Variants in TJAP1 observed in about 807,000 individuals in gnomAD.
TJAP1 encodes the protein tight junction-associated protein 1.
Under a neutral mutation model 42.0 loss-of-function variants are expected in TJAP1, and 27 were observed. That is an observed-to-expected ratio of 0.64 (90% CI 0.47 to 0.89). The LOEUF (loss-of-function observed/expected upper bound fraction) is 0.89. Among genes scored for constraint, TJAP1 ranks in the 40% least tolerant of loss-of-function variants. TJAP1 has a pLI of 0.00. For missense variants in TJAP1, 712 were observed against 726.9 expected, an observed-to-expected ratio of 0.98 and a Z score of 0.24; for synonymous variants, 257 against 288.4, an observed-to-expected ratio of 0.89 and a Z score of 1.10.
At chr6:43,498,247 C>G (rs1437656640) in intron 3 of TJAP1, among the ~76,000 whole-genome samples, 2 of 152,204 alleles carry the variant, frequency 1.3e-5, no homozygotes, top group Admixed American at 6.5e-5. Context: ...TGTTTTACAT[C>G]ATCTTCCCAA....
chr6:43,497,900 T>C (rs556801298), exon 3 of TJAP1: 22 of 152,400 alleles, frequency 1.4e-4, no homozygotes, highest in Admixed American at 5.2e-4. Context: ...CTAAAGGAAG[T>C]GGAGGGGCCG....
At position 43,506,287 on chromosome 6, in the gene TJAP1, T is replaced by TC. The variant is rs553632280; in HGVS notation, c.*440dup. On this transcript the variant is annotated 3_prime_UTR_variant, in exon 11 of 11. Coordinates refer to ENST00000372449, the Ensembl canonical transcript of TJAP1. ...CATTTCCGTTTCCTACCTGTTTGCT[T>TC]CCCCCCCCAGTCCTCCGCATGAGCT... 4.4e-3 allele frequency: 672 copies of TC among 152,492 alleles called. 2 individuals carry two copies. The highest frequency in any genetic ancestry group is 8.6e-3 in the South Asian group (41 of 4,776). The allele number at this position is 152,492 out of a possible 1,614,324, so 9.4% of individuals were successfully genotyped here.
chr6:43,494,648 CTTTTTTT>C (rs775378416), intron 2 of TJAP1, among the ~76,000 whole-genome samples: 4 of 114,400 alleles, frequency 3.5e-5, no homozygotes, highest in Admixed American at 8.8e-5. Context: ...TGTTGATTTC[CTTTTTTT>C]TTTTTTTTTT....
chr6:43,501,736 ACACACACACACACACACACACACT>A lies in TJAP1; in HGVS notation c.290+51_290+74del, dbSNP rs1157238771. On this transcript the variant is annotated intron_variant, in intron 6 of 10. Coordinates refer to ENST00000372449, the Ensembl canonical transcript of TJAP1. The stretch of plus-strand genomic sequence containing the variant: ...CACACACACACACACACACACACAC[ACACACACACACACACACACACACT>A]CTCTCTGTCTCTCTCTCTCTCTGTG... The A allele has an allele frequency of 1.3e-5, 9 of 691,756 alleles. No individual in the cohort carries two copies. The African/African-American group carries it at 1.7e-4, about 13-fold the overall frequency. 42.9% of individuals were successfully genotyped at this position (691,756 alleles called of 1,614,324 possible). A position where few individuals can be genotyped will look rare whatever the true frequency, so the allele number is the denominator to read the frequency against.
rs1381144645 is a variant in TJAP1 at position 43,491,528 on chromosome 6, G to C, written c.-121-6353G>C. On this transcript the variant is annotated intron_variant, in intron 2 of 10. Transcript: ENST00000372449. This position sits in a 1 kb window ranked among gnomAD's most constrained non-coding sequence, Gnocchi z 4.6. The stretch of plus-strand genomic sequence containing the variant: ...TGGTCTCGAACTCCCGACCTCAGGT[G>C]ATCTGCCCGCCTTGGCCTCCCAAAG... 6.6e-6 allele frequency among the ~76,000 whole-genome samples: 1 copy of C among 152,178 alleles called. No individual in the cohort carries two copies. Among genetic ancestry groups the C allele is most frequent in the Non-Finnish European group, 1.5e-5 (1 of 68,042 alleles).
chr6:43,491,102 T>G lies in TJAP1; in HGVS notation c.-121-6779T>G, dbSNP rs1415240171. Among the ~76,000 whole-genome samples, 2 of 152,064 alleles carry G rather than the reference T, an allele frequency of 1.3e-5. No individual in the cohort carries two copies. The highest frequency in any genetic ancestry group is 4.8e-5 in the African/African-American group (2 of 41,380). On this transcript the variant is annotated intron_variant, in intron 2 of 10. Transcript: ENST00000372449. The surrounding 1 kb of genome is among the most constrained non-coding windows in gnomAD (Gnocchi z 4.6). The stretch of plus-strand genomic sequence containing the variant: ...CTGCCTAAGTGGATTCTGTTCCCCT[T>G]GGGCTGGGTGAGAGAAGGCAGCAGC...
At chr6:43,484,082 C>CAAA (rs202198214) in intron 2 of TJAP1, among the ~76,000 whole-genome samples, 2 of 143,414 alleles carry the variant, frequency 1.4e-5, no homozygotes, top group African/African-American at 5.1e-5. Context: ...AAATTAAAAA[C>CAAA]AAAAAAAAAA....
intron 2 of TJAP1, among the ~76,000 whole-genome samples, chr6:43,490,935 C>T (rs905476571): frequency 2.6e-5 from 4 of 152,182 alleles, no homozygotes; most frequent in Non-Finnish European, 4.4e-5. Context: ...GAAGGAGAGG[C>T]GGGTCTGGAG....
chr6:43,503,005 C>T, intron 8 of TJAP1: 1 of 455,172 alleles, frequency 2.2e-6, no homozygotes, highest in East Asian at 4.4e-5. Context: ...CCACCGCGCC[C>T]TGCTTCCTCT....
intron 2 of TJAP1, among the ~76,000 whole-genome samples, chr6:43,479,160 C>T (rs1784801318): frequency 6.6e-6 from 1 of 152,142 alleles, no homozygotes. Context: ...GAGTGTTTTG[C>T]CCTAGCCAGA....
At chr6:43,485,785 G>A (rs1293409299) in intron 2 of TJAP1, among the ~76,000 whole-genome samples, 1 of 152,188 alleles carries the variant, frequency 6.6e-6, no homozygotes, top group African/African-American at 2.4e-5. Flanking sequence ...TCCTCAGTGG[G>A]ATTAAAGAAG....
chr6:43,501,923 ACACACTCT>A (rs1456159097), intron 6 of TJAP1, among the ~76,000 whole-genome samples: 77 of 108,086 alleles, frequency 7.1e-4, no homozygotes, highest in African/African-American at 1.6e-3. Context: ...ACACACACAC[ACACACTCT>A]CTCTCTCTCT....
chr6:43,500,963 C>T (rs1225695253), intron 5 of TJAP1, 191 bp downstream of exon 5: 1 of 649,804 alleles, frequency 1.5e-6, no homozygotes, highest in East Asian at 2.8e-5. Context: ...TTTTATTGTT[C>T]CATGGGCTTC....
chr6:43,505,152 C>T lies in TJAP1; in HGVS notation c.971C>T (p.Pro324Leu). ...TACCCAACCCCGTCTCCACCACACC[C>T]ACTGTATCCTGGCCGCAGGGTAATA... The change falls in exon 11 of 11, where the codon CCA becomes CTA. Residue 324 changes from proline to leucine, a missense_variant. By Grantham distance (98) the Pro-to-Leu change is moderately conservative (BLOSUM62 -3). This residue lies in a region of TJAP1 where 549 missense variants were observed against 528.2 expected (regional missense o/e 1.04). Coordinates refer to ENST00000372449, the Ensembl canonical transcript of TJAP1. This position sits in a 1 kb window ranked among gnomAD's most constrained non-coding sequence, Gnocchi z 5.5. 1.2e-6 allele frequency: 2 copies of T among 1,614,242 alleles called. No homozygotes were observed. The highest frequency in any genetic ancestry group is 1.3e-5 in the African/African-American group (1 of 75,064).
At chr6:43,501,300 A>G (rs1561813573) in intron 5 of TJAP1, 4 of 555,784 alleles carry the variant, frequency 7.2e-6, no homozygotes, top group Non-Finnish European at 9.6e-6. Context: ...ACTGTCCCCT[A>G]CCATCCCCTC....
chr6:43,499,726 C>T (rs1441185007), intron 4 of TJAP1, among the ~76,000 whole-genome samples: 1 of 152,252 alleles, frequency 6.6e-6, no homozygotes, highest in Non-Finnish European at 1.5e-5. Context: ...CCCTTGCAGC[C>T]ATATCTCCAT....
intron 2 of TJAP1, among the ~76,000 whole-genome samples, chr6:43,484,655 A>C (rs973099144): frequency 1.3e-5 from 2 of 152,184 alleles, no homozygotes; most frequent in Admixed American, 6.5e-5. Context: ...AGGAAGCAGT[A>C]AAAAAGGTGA....
Position 43,499,103 on chromosome 6 carries a change from C to T in TJAP1, c.99+3C>T. ...CTGGATCCCGGCTTGAGCAGGAGGTCAGCAAGACTGGTATCACAGCCTGAC... is the reference window on the plus strand; with the variant it reads ...CTGGATCCCGGCTTGAGCAGGAGGTTAGCAAGACTGGTATCACAGCCTGAC... On this transcript the variant is annotated splice_donor_region_variant and intron_variant, in intron 4 of 10. Coordinates refer to ENST00000372449, the Ensembl canonical transcript of TJAP1. 6.2e-7 allele frequency: 1 copy of T among 1,613,576 alleles called. No homozygotes were observed. The highest frequency in any genetic ancestry group is 8.5e-7 in the Non-Finnish European group (1 of 1,179,906).
rs1394910113 is a variant in TJAP1, at chr6:43,502,354, T to C, written c.357+5T>C. 6.2e-7 allele frequency: 1 copy of C among 1,613,336 alleles called. No homozygotes were observed. The highest frequency in any genetic ancestry group is 1.3e-5 in the African/African-American group (1 of 74,982). On this transcript the variant is annotated splice_donor_5th_base_variant and intron_variant, in intron 7 of 10. Transcript: ENST00000372449. Reference sequence around the variant, plus strand: ...GAGGACAAGCTGCACACACTGGTAATCTGTCTGGGAGGGCAGCTTGGTGGG... The same window carrying C: ...GAGGACAAGCTGCACACACTGGTAACCTGTCTGGGAGGGCAGCTTGGTGGG...
Sources: allele counts gnomAD v4.1 joint callset (sites outside exome capture counted in the v4.1 genomes callset), GRCh38; gene constraint gnomAD v4.1.1; regional missense constraint gnomAD v4.1.1; non-coding constraint Gnocchi (gnomAD v3.1); transcripts MANE v1.5; gene names NCBI Gene and HGNC (gene_info 2026-07-23, HGNC 2026-07-21).